The following FBXL7 variants were observed in gnomAD, a reference collection of about 807,000 sequenced individuals.
FBXL7 encodes F-box and leucine rich repeat protein 7.
In FBXL7, 12 loss-of-function variants were observed where a neutral mutation model predicts 38.3. That is an observed-to-expected ratio of 0.31 (90% CI 0.20 to 0.51). The LOEUF (loss-of-function observed/expected upper bound fraction) is 0.51. Among genes scored for constraint, FBXL7 ranks in the 20% least tolerant of loss-of-function variants. The pLI, the probability that FBXL7 is intolerant of heterozygous loss-of-function variation, is 0.98. For synonymous variants in FBXL7, 297 were observed against 300.9 expected (o/e 0.99, Z 0.13); for missense variants, 567 against 676.4 (o/e 0.84, Z 1.79).
intron 2 of FBXL7, among the ~76,000 whole-genome samples, chr5:15,700,010 C>T (rs909625258): frequency 3.3e-5 from 5 of 152,206 alleles, no homozygotes; most frequent in Non-Finnish European, 4.4e-5. Context: ...GTTATGCTTG[C>T]TTAACTCATA....
chr5:15,851,416 TC>T (rs1410542460), intron 2 of FBXL7, among the ~76,000 whole-genome samples: 2 of 152,176 alleles, frequency 1.3e-5, no homozygotes, highest in Admixed American at 6.5e-5. Context: ...AAAGCCTTGT[TC>T]TTCTCTTCTT....
intron 2 of FBXL7, among the ~76,000 whole-genome samples, chr5:15,862,528 T>A (rs528614663): frequency 2.6e-5 from 4 of 152,210 alleles, no homozygotes; most frequent in African/African-American, 4.8e-5. Flanking sequence ...TAGGCAGTCA[T>A]TTTTATTCTC....
At chr5:15,734,793 A>T (rs1186897921) in intron 2 of FBXL7, among the ~76,000 whole-genome samples, 1 of 152,244 alleles carries the variant, frequency 6.6e-6, no homozygotes, top group South Asian at 2.1e-4. Flanking sequence ...GCACTCATGT[A>T]GGTCTTGAAG....
chr5:15,646,512 C>T (rs988308527), intron 2 of FBXL7, among the ~76,000 whole-genome samples: 2 of 152,194 alleles, frequency 1.3e-5, no homozygotes, highest in African/African-American at 4.8e-5. Flanking sequence ...GCCTCTATGG[C>T]TACAGCGGGG....
chr5:15,781,800 G>T (rs530174641), intron 2 of FBXL7, among the ~76,000 whole-genome samples: 2 of 152,202 alleles, frequency 1.3e-5, no homozygotes, highest in Admixed American at 1.3e-4. Context: ...ATGTTGAAGA[G>T]AGCTGAGGAG....
At chr5:15,884,256 CT>C (rs1447446160) in intron 2 of FBXL7, among the ~76,000 whole-genome samples, 15 of 151,868 alleles carry the variant, frequency 9.9e-5, no homozygotes, top group Admixed American at 4.6e-4. Context: ...AATCTTCTTT[CT>C]TTCTTTCTTT....
At chr5:15,695,020 C>T (rs17704227) in intron 2 of FBXL7, among the ~76,000 whole-genome samples, 8,073 of 152,252 alleles carry the variant, frequency 0.053, 233 homozygotes, top group East Asian at 0.084. Flanking sequence ...GGCAACAGAC[C>T]TGCTCAAAAA....
intron 2 of FBXL7, among the ~76,000 whole-genome samples, chr5:15,905,863 C>T (rs756258530): frequency 5.9e-5 from 9 of 151,986 alleles, no homozygotes; most frequent in Non-Finnish European, 4.4e-5. Flanking sequence ...GCCTCCTCTT[C>T]GACCCCAACC....
At chr5:15,839,595 G>C (rs905678698) in intron 2 of FBXL7, among the ~76,000 whole-genome samples, 2 of 151,876 alleles carry the variant, frequency 1.3e-5, no homozygotes, top group African/African-American at 4.8e-5. Flanking sequence ...AATATTTAAT[G>C]CACTAAGAAC....
chr5:15,756,050 T>C (rs1405495749), intron 2 of FBXL7, among the ~76,000 whole-genome samples: 1 of 152,206 alleles, frequency 6.6e-6, no homozygotes, highest in Non-Finnish European at 1.5e-5. Flanking sequence ...CTAAATAACA[T>C]GTAAATTGGT....
Position 15,807,279 on chromosome 5 carries a change from A to G in FBXL7, c.128-120611A>G, listed in dbSNP as rs571722750. 1.2e-4 allele frequency among the ~76,000 whole-genome samples: 18 copies of G among 152,264 alleles called. 1 individual carries two copies. The East Asian group carries it at 2.7e-3, about 23-fold the overall frequency. ...TAAACAGTAAGTAAGATATTTTATA[A>G]TGAGAAACAGTGACCCTTTCTACAT... is the stretch of plus-strand genomic sequence containing the variant. On this transcript the variant is annotated intron_variant, in intron 2 of 3. Coordinates refer to ENST00000504595, the MANE Select transcript of FBXL7 (RefSeq NM_012304.5).
At chr5:15,935,189 T>C (rs763862454) in intron 3 of FBXL7, 1 of 534,750 alleles carries the variant, frequency 1.9e-6, no homozygotes, top group Non-Finnish European at 3.8e-6. Context: ...GGGGTGCAGA[T>C]CCTTGGGAGC....
Position 15,740,332 on chromosome 5 carries a change from G to T in FBXL7, c.127+124260G>T, listed in dbSNP as rs193078355. Among the ~76,000 whole-genome samples the T allele has an allele frequency of 1.9e-3, 285 of 152,248 alleles. 6 individuals are homozygous for T. Among genetic ancestry groups the T allele is most frequent in the Admixed American group, 0.019 (285 of 15,290 alleles). The stretch of plus-strand genomic sequence containing the variant: ...CCCACTTCCTTTCCTGCAAGTTATG[G>T]ATGGTGGGGTCTGCCCTTTCACTTT... On this transcript the variant is annotated intron_variant, in intron 2 of 3. Coordinates refer to ENST00000504595, the MANE Select transcript of FBXL7 (RefSeq NM_012304.5).
intron 2 of FBXL7, among the ~76,000 whole-genome samples, chr5:15,663,580 G>A (rs1374881377): frequency 6.6e-6 from 1 of 152,134 alleles, no homozygotes; most frequent in East Asian, 1.9e-4. Flanking sequence ...TTGAGATAAT[G>A]ATGTGGGTTT....
At chr5:15,502,750 G>A (rs989362242) in intron 1 of FBXL7, among the ~76,000 whole-genome samples, 1 of 152,162 alleles carries the variant, frequency 6.6e-6, no homozygotes, top group Non-Finnish European at 1.5e-5. Context: ...TATGTAATGG[G>A]TTATGGTCAA....
chr5:15,924,248 A>G (rs576046885), intron 2 of FBXL7, among the ~76,000 whole-genome samples: 2 of 152,368 alleles, frequency 1.3e-5, no homozygotes, highest in South Asian at 2.1e-4. Context: ...AAAATGCAGC[A>G]TGTATACCAC....
At chr5:15,766,317 G>C (rs1029515537) in intron 2 of FBXL7, among the ~76,000 whole-genome samples, 1 of 152,180 alleles carries the variant, frequency 6.6e-6, no homozygotes, top group Non-Finnish European at 1.5e-5. Flanking sequence ...ATTGAATGTA[G>C]TAGTGCTTTG....
intron 2 of FBXL7, among the ~76,000 whole-genome samples, chr5:15,654,558 A>T (rs918597113): frequency 6.6e-6 from 1 of 152,128 alleles, no homozygotes; most frequent in Non-Finnish European, 1.5e-5. Context: ...TCTATTACTA[A>T]TGGGTCATTT....
chr5:15,800,327 C>G (rs1180725600), intron 2 of FBXL7, among the ~76,000 whole-genome samples: 1 of 152,140 alleles, frequency 6.6e-6, no homozygotes, highest in Non-Finnish European at 1.5e-5. Flanking sequence ...AGACACCATC[C>G]AAGCAGTAAA....
Sources: gnomAD v4.1 joint callset for allele counts (sites outside exome capture counted in the v4.1 genomes callset) on GRCh38, gnomAD v4.1.1 for gene constraint, MANE v1.5 for transcripts, NCBI Gene and HGNC (gene_info 2026-07-23, HGNC 2026-07-21) for gene names.